The following TMEM132B variants were observed in gnomAD, a reference collection of about 807,000 sequenced individuals.
TMEM132B encodes transmembrane protein 132B.
TMEM132B carries 18 observed loss-of-function variants against 90.8 expected under a neutral mutation model. The ratio of observed to expected loss-of-function variants is 0.20; its 90% CI spans 0.14 to 0.29. TMEM132B has a LOEUF of 0.29. TMEM132B is among the 10% of genes least tolerant of loss of function. The pLI, the probability that TMEM132B is intolerant of heterozygous loss-of-function variation, is 1.00. For missense variants in TMEM132B, 1,096 were observed against 1,326.8 expected (o/e 0.83, Z 2.70); for synonymous variants, 504 against 523.3 (o/e 0.96, Z 0.50).
intron 3 of TMEM132B, among the ~76,000 whole-genome samples, chr12:125,419,037 G>C (rs889443781): frequency 2.0e-5 from 3 of 152,114 alleles, no homozygotes; most frequent in Non-Finnish European, 4.4e-5. Context: ...CTGGCTGTTG[G>C]GACCCAAACC....
At chr12:125,194,981 A>C (rs998776266) in intron 1 of TMEM132B, among the ~76,000 whole-genome samples, 1 of 152,164 alleles carries the variant, frequency 6.6e-6, no homozygotes, top group South Asian at 2.1e-4. Context: ...CAATATTACT[A>C]TACAGGTTTC....
chr12:125,526,364 C>A (rs971673815), intron 4 of TMEM132B, among the ~76,000 whole-genome samples: 1 of 152,220 alleles, frequency 6.6e-6, no homozygotes, highest in African/African-American at 2.4e-5. Context: ...CTCATTTCTC[C>A]CTGGAGAGGA....
chr12:125,457,346 T>A (rs1881318995), intron 3 of TMEM132B, among the ~76,000 whole-genome samples: 1 of 152,142 alleles, frequency 6.6e-6, no homozygotes, highest in African/African-American at 2.4e-5. Flanking sequence ...CCATTTTAGC[T>A]CCTAATTGGG....
At chr12:125,646,656 C>G (rs1363019460) in intron 6 of TMEM132B, among the ~76,000 whole-genome samples, 6 of 152,158 alleles carry the variant, frequency 3.9e-5, no homozygotes, top group Non-Finnish European at 2.9e-5. Flanking sequence ...TGAGGGCTCT[C>G]AAGCCAAATT....
intron 5 of TMEM132B, among the ~76,000 whole-genome samples, chr12:125,618,681 TA>T (rs1373241402): frequency 6.6e-6 from 1 of 152,172 alleles, no homozygotes; most frequent in African/African-American, 2.4e-5. Flanking sequence ...TGTTTTTTTT[TA>T]AAGAATACAA....
intron 1 of TMEM132B, among the ~76,000 whole-genome samples, chr12:125,201,790 A>G (rs1197821664): frequency 1.3e-5 from 2 of 152,240 alleles, no homozygotes; most frequent in Non-Finnish European, 1.5e-5. Context: ...TAAGCTTGAC[A>G]TCACATCAGT....
rs568713536 is a variant in TMEM132B, at chr12:125,427,193, C to A, written c.1106+11516C>A. On this transcript the variant is annotated intron_variant, in intron 3 of 8. Coordinates refer to ENST00000682704, the MANE Select transcript of TMEM132B (RefSeq NM_001366854.1). Reference sequence around the variant, plus strand: ...ATGGGAGGGTGCATCTGGATGGGTGCCTCTTTGAGCAGTCTATGCAAAGAG... The same window carrying A: ...ATGGGAGGGTGCATCTGGATGGGTGACTCTTTGAGCAGTCTATGCAAAGAG... Among the ~76,000 whole-genome samples, 3 of 152,162 alleles carry A rather than the reference C, an allele frequency of 2.0e-5. No individual in the cohort carries two copies. In the East Asian group the frequency reaches 5.8e-4, roughly 29 times the overall value.
intron 1 of TMEM132B, among the ~76,000 whole-genome samples, chr12:125,271,559 G>T (rs1295341630): frequency 6.7e-6 from 1 of 149,838 alleles, no homozygotes; most frequent in Admixed American, 6.6e-5. Context: ...CCCATCTGAA[G>T]GTGGTACTTG....
intron 5 of TMEM132B, among the ~76,000 whole-genome samples, chr12:125,627,329 G>T (rs773050461): frequency 6.6e-6 from 1 of 151,840 alleles, no homozygotes; most frequent in South Asian, 2.1e-4. Context: ...CTGGGGGTGT[G>T]TTTTGTCTTG....
At chr12:125,357,831 T>A (rs576470572) in intron 2 of TMEM132B, among the ~76,000 whole-genome samples, 1 of 152,312 alleles carries the variant, frequency 6.6e-6, no homozygotes, top group African/African-American at 2.4e-5. Flanking sequence ...CCAGGACTCA[T>A]GTCACGCCCT....
At chr12:125,320,452 C>A (rs1285350992) in intron 1 of TMEM132B, among the ~76,000 whole-genome samples, 1 of 152,154 alleles carries the variant, frequency 6.6e-6, no homozygotes, top group African/African-American at 2.4e-5. Context: ...TAAGATTTGC[C>A]AACAGGCTTT....
chr12:125,378,684 C>T (rs1878568990), intron 2 of TMEM132B, among the ~76,000 whole-genome samples: 1 of 152,096 alleles, frequency 6.6e-6, no homozygotes, highest in Non-Finnish European at 1.5e-5. Flanking sequence ...TTTCATTGGC[C>T]AGAACTGTGC....
intron 2 of TMEM132B, among the ~76,000 whole-genome samples, chr12:125,354,643 G>C (rs7296783): frequency 6.6e-6 from 1 of 152,066 alleles, no homozygotes; most frequent in South Asian, 2.1e-4. Context: ...TTCATTATGC[G>C]TGTTTGTGGG....
chr12:125,526,571 T>C (rs1883469114), intron 4 of TMEM132B, among the ~76,000 whole-genome samples: 1 of 152,240 alleles, frequency 6.6e-6, no homozygotes, highest in Non-Finnish European at 1.5e-5. Flanking sequence ...GAGAAGGTGC[T>C]GCTGTCCTGG....
At chr12:125,645,061 CA>C (rs148179158) in intron 6 of TMEM132B, among the ~76,000 whole-genome samples, 5 of 150,534 alleles carry the variant, frequency 3.3e-5, no homozygotes, top group African/African-American at 1.2e-4. Flanking sequence ...ACTAAAAATC[CA>C]AAAAAAATAG....
intron 1 of TMEM132B, among the ~76,000 whole-genome samples, chr12:125,320,008 C>A (rs1396298260): frequency 6.7e-6 from 1 of 149,852 alleles, no homozygotes; most frequent in Non-Finnish European, 1.5e-5. Flanking sequence ...TAGAGCAAGA[C>A]CCTGCCTAAA....
chr12:125,536,995 A>T lies in TMEM132B; in HGVS notation c.1293+17370A>T, dbSNP rs183005710. On this transcript the variant is annotated intron_variant, in intron 4 of 8. Transcript: ENST00000682704. The stretch of plus-strand genomic sequence containing the variant: ...TTTTTTACTCTTTTTGGGATTTTTT[A>T]AAAAAAATCAGAGTGTATCTGATTT... Among the ~76,000 whole-genome samples, 984 of 152,130 alleles carry T rather than the reference A, an allele frequency of 6.5e-3. 9 individuals carry two copies. Among genetic ancestry groups the T allele is most frequent in the African/African-American group, 0.021 (876 of 41,502 alleles).
rs1305021655 is a variant in TMEM132B at position 125,209,279 on chromosome 12, G to A, written c.67+22413G>A. Among the ~76,000 whole-genome samples, 1 of 152,236 alleles carries A rather than the reference G, an allele frequency of 6.6e-6. No individual in the cohort carries two copies. Among genetic ancestry groups the A allele is most frequent in the Non-Finnish European group, 1.5e-5 (1 of 68,050 alleles). ...TGTTGGGGAGCCTGGCCTGCTGGGT[G>A]AGGCTCACATCTCTAAGTGGGGCAG... On this transcript the variant is annotated intron_variant, in intron 1 of 8. Coordinates refer to ENST00000682704, the MANE Select transcript of TMEM132B (RefSeq NM_001366854.1). This position sits in a 1 kb window ranked among gnomAD's most constrained non-coding sequence, Gnocchi z 4.4.
chr12:125,474,081 C>A (rs1299306394), intron 3 of TMEM132B, among the ~76,000 whole-genome samples: 1 of 136,388 alleles, frequency 7.3e-6, no homozygotes, highest in Non-Finnish European at 1.6e-5. Flanking sequence ...CTTTCCTTTC[C>A]TTTCCTTTCC....
Sources: gnomAD v4.1 joint callset for allele counts (sites outside exome capture counted in the v4.1 genomes callset) on GRCh38, gnomAD v4.1.1 for gene constraint, Gnocchi (gnomAD v3.1) non-coding constraint, MANE v1.5 for transcripts, NCBI Gene and HGNC (gene_info 2026-07-23, HGNC 2026-07-21) for gene names.